Variants in CNOT4 observed in about 807,000 individuals in gnomAD.
CNOT4 encodes the protein CCR4-NOT transcription complex subunit 4.
CNOT4 carries 8 observed loss-of-function variants against 73.8 expected under a neutral mutation model. The ratio of observed to expected loss-of-function variants is 0.11; its 90% confidence interval spans 0.06 to 0.20. The LOEUF (loss-of-function observed/expected upper bound fraction) is 0.20. CNOT4 is among the 10% of genes least tolerant of loss of function. The pLI, the probability that CNOT4 is intolerant of heterozygous loss-of-function variation, is 1.00. For missense variants in CNOT4, 564 were observed against 883.4 expected, an observed-to-expected ratio of 0.64 and a Z score of 4.58; for synonymous variants, 293 against 321.1, an observed-to-expected ratio of 0.91 and a Z score of 0.94.
intron 1 of CNOT4, among the ~76,000 whole-genome samples, chr7:135,476,900 G>A (rs998772984): frequency 6.6e-6 from 1 of 152,082 alleles, no homozygotes; most frequent in African/African-American, 2.4e-5. Flanking sequence ...CTTGAGCCAG[G>A]GAGACAGAAG....
chr7:135,424,089 A>G (rs1798358474), intron 2 of CNOT4, among the ~76,000 whole-genome samples: 1 of 130,710 alleles, frequency 7.7e-6, no homozygotes, highest in African/African-American at 2.9e-5. Flanking sequence ...ACACACACAC[A>G]CATTTTTTAT....
intron 1 of CNOT4, among the ~76,000 whole-genome samples, chr7:135,485,142 G>C (rs563531367): frequency 6.6e-6 from 1 of 152,260 alleles, no homozygotes; most frequent in African/African-American, 2.4e-5. Context: ...GCACGATCTT[G>C]GCTCACTGCA....
At chr7:135,502,821 AAAAAAAAAAAAAAG>A (rs1282375865) in intron 1 of CNOT4, among the ~76,000 whole-genome samples, 33 of 151,106 alleles carry the variant, frequency 2.2e-4, no homozygotes, top group African/African-American at 7.5e-4. Flanking sequence ...CATCTCAAAA[AAAAAAAAAAAAAAG>A]AAAAAAAGAA....
intron 1 of CNOT4, among the ~76,000 whole-genome samples, chr7:135,453,318 TA>T (rs1236537777): frequency 1.3e-5 from 2 of 152,268 alleles, no homozygotes; most frequent in Admixed American, 6.5e-5. Flanking sequence ...TTAGCCTGGT[TA>T]AATGCAACCA....
At chr7:135,395,172 G>A (rs1796607931) in intron 9 of CNOT4, among the ~76,000 whole-genome samples, 1 of 152,048 alleles carries the variant, frequency 6.6e-6, no homozygotes, top group Admixed American at 6.6e-5. Context: ...AGGATCACTT[G>A]AGGCCAGGAG....
At chr7:135,436,102 A>C (rs1012556960) in intron 2 of CNOT4, among the ~76,000 whole-genome samples, 1 of 151,862 alleles carries the variant, frequency 6.6e-6, no homozygotes, top group Non-Finnish European at 1.5e-5. Context: ...TGTCTTTCAG[A>C]GATTCCTCAC....
chr7:135,436,670 T>C (rs939914487), intron 2 of CNOT4, among the ~76,000 whole-genome samples: 4 of 150,984 alleles, frequency 2.6e-5, no homozygotes, highest in African/African-American at 9.7e-5. Flanking sequence ...ATGTTACATA[T>C]ACAATATATG....
chr7:135,413,656 A>T (rs1797696214), intron 5 of CNOT4, 43 bp from the exon 6 acceptor site: 1 of 1,578,094 alleles, frequency 6.3e-7, no homozygotes, highest in African/African-American at 1.4e-5. Flanking sequence ...ACTCAATGTG[A>T]ACTGACAACA....
At chr7:135,412,055 A>T (rs1797614534) in intron 6 of CNOT4, among the ~76,000 whole-genome samples, 1 of 152,010 alleles carries the variant, frequency 6.6e-6, no homozygotes, top group Admixed American at 6.6e-5. Context: ...TCAGGACAAC[A>T]TTATGAAATT....
At chr7:135,431,236 T>C (rs6961685) in intron 2 of CNOT4, among the ~76,000 whole-genome samples, 11,288 of 152,272 alleles carry the variant, frequency 0.074, 502 homozygotes, top group Middle Eastern at 0.13. Context: ...CTGCACTTCA[T>C]AGCCTGGGCG....
chr7:135,377,557 T>G (rs1451407706), intron 10 of CNOT4, among the ~76,000 whole-genome samples: 1 of 152,162 alleles, frequency 6.6e-6, no homozygotes, highest in Admixed American at 6.5e-5. Flanking sequence ...AATACAAACT[T>G]TTTTTGTTTT....
chr7:135,496,294 T>C (rs1451482499), intron 1 of CNOT4, among the ~76,000 whole-genome samples: 2 of 152,200 alleles, frequency 1.3e-5, no homozygotes, highest in African/African-American at 4.8e-5. Flanking sequence ...GGTTTCGCCA[T>C]GTTGGCCAGG....
At chr7:135,467,662 GAT>G (rs1429879633) in intron 1 of CNOT4, among the ~76,000 whole-genome samples, 1 of 152,132 alleles carries the variant, frequency 6.6e-6, no homozygotes, top group Non-Finnish European at 1.5e-5. Context: ...AATGAGCTAT[GAT>G]CATGCTACTG....
chr7:135,491,659 C>G (rs1563081025), intron 1 of CNOT4, among the ~76,000 whole-genome samples: 1 of 152,060 alleles, frequency 6.6e-6, no homozygotes, highest in Non-Finnish European at 1.5e-5. Context: ...TGCATTTAGA[C>G]AATGCTTTAA....
At chr7:135,480,847 G>A (rs1802328850) in intron 1 of CNOT4, among the ~76,000 whole-genome samples, 2 of 148,394 alleles carry the variant, frequency 1.3e-5, no homozygotes, top group African/African-American at 5.0e-5. Context: ...ACTGAAGAAA[G>A]GACAGGCTAA....
Position 135,417,303 on chromosome 7 carries a change from G to A in CNOT4, c.373-2041C>T, listed in dbSNP as rs573665991. 3.3e-5 allele frequency among the ~76,000 whole-genome samples: 5 copies of A among 152,200 alleles called. No individual in the cohort carries two copies. The South Asian group carries it at 6.2e-4, about 19-fold the overall frequency. On this transcript the variant is annotated intron_variant, in intron 3 of 11. Transcript: ENST00000541284. The stretch of plus-strand genomic sequence containing the variant: ...GTGATATTAATGTTATGGGCCCAGA[G>A]GCCACACCTTGAATAGCAAGGTTCT...
At chr7:135,430,567 C>T (rs1472696038) in intron 2 of CNOT4, among the ~76,000 whole-genome samples, 1 of 151,970 alleles carries the variant, frequency 6.6e-6, no homozygotes. Flanking sequence ...ATTGCTTGAG[C>T]CCAGGAGGTT....
chr7:135,491,963 T>C (rs1179968649), intron 1 of CNOT4, among the ~76,000 whole-genome samples: 1 of 152,182 alleles, frequency 6.6e-6, no homozygotes, highest in African/African-American at 2.4e-5. Context: ...AGTAAATCTA[T>C]AGTAACACAA....
At chr7:135,442,289 A>G (rs1799524306) in intron 1 of CNOT4, among the ~76,000 whole-genome samples, 2 of 152,324 alleles carry the variant, frequency 1.3e-5, no homozygotes, top group Admixed American at 1.3e-4. Flanking sequence ...AAGCCAGACA[A>G]CTAATATTAA....
Sources: allele counts gnomAD v4.1 joint callset (sites outside exome capture counted in the v4.1 genomes callset), GRCh38; gene constraint gnomAD v4.1.1; transcripts MANE v1.5; gene names NCBI Gene and HGNC (gene_info 2026-07-23, HGNC 2026-07-21).